Variants in STXBP5 observed in about 807,000 individuals in gnomAD.
STXBP5 encodes the protein syntaxin-binding protein 5.
STXBP5 carries 50 observed loss-of-function variants against 152.4 expected under a neutral mutation model. The observed-to-expected ratio is 0.33, with a 90% CI of 0.26 to 0.42. The LOEUF is 0.42. Among genes scored for constraint, STXBP5 ranks in the 10% least tolerant of loss-of-function variants. The pLI, the probability that STXBP5 is intolerant of heterozygous loss-of-function variation, is 1.00. For missense variants in STXBP5, 1,167 were observed against 1,388.6 expected (o/e 0.84, Z 2.54); for synonymous variants, 492 against 494.7 (o/e 0.99, Z 0.07).
intron 2 of STXBP5, among the ~76,000 whole-genome samples, chr6:147,212,202 G>T (rs563137574): frequency 7.9e-5 from 12 of 152,296 alleles, no homozygotes; most frequent in African/African-American, 2.9e-4. Context: ...CTTGTGGAAG[G>T]AAACAAATGT....
At chr6:147,256,340 A>G (rs1306131395) in intron 4 of STXBP5, among the ~76,000 whole-genome samples, 2 of 117,850 alleles carry the variant, frequency 1.7e-5, no homozygotes, top group South Asian at 6.9e-4. Flanking sequence ...ATGTAATATC[A>G]TCTAGAACCT....
At chr6:147,219,458 C>A (rs1267773289) in intron 2 of STXBP5, among the ~76,000 whole-genome samples, 2 of 152,058 alleles carry the variant, frequency 1.3e-5, no homozygotes, top group Non-Finnish European at 2.9e-5. Flanking sequence ...ATTTCCTCTG[C>A]CTTTATCTTC....
At chr6:147,321,343 T>G (rs567694816) in intron 16 of STXBP5, among the ~76,000 whole-genome samples, 1 of 152,296 alleles carries the variant, frequency 6.6e-6, no homozygotes, top group African/African-American at 2.4e-5. Context: ...TAAAAGCAGC[T>G]GTTTAAGACC....
chr6:147,255,498 C>A (rs1035093728), intron 4 of STXBP5, among the ~76,000 whole-genome samples: 4 of 107,066 alleles, frequency 3.7e-5, no homozygotes, highest in Admixed American at 1.1e-4. Context: ...TTCTTTGTTC[C>A]TTTTTGTTGT....
At chr6:147,237,840 C>CT (rs1180925823) in intron 3 of STXBP5, among the ~76,000 whole-genome samples, 7 of 152,118 alleles carry the variant, frequency 4.6e-5, no homozygotes, top group Non-Finnish European at 1.0e-4. Context: ...TTACAATACC[C>CT]TAAAAGATTG....
At chr6:147,268,938 A>G (rs1780022356) in intron 7 of STXBP5, among the ~76,000 whole-genome samples, 1 of 152,134 alleles carries the variant, frequency 6.6e-6, no homozygotes, top group African/African-American at 2.4e-5. Context: ...TGAAGAGGGA[A>G]CCTAGGTGGA....
chr6:147,292,610 A>G (rs1781336830), intron 9 of STXBP5: 1 of 152,642 alleles, frequency 6.6e-6, no homozygotes, highest in Admixed American at 6.5e-5. Context: ...TAGGAAAAGC[A>G]TGGTAGCAAA....
rs572150197 is a variant in STXBP5, at chr6:147,243,371, G to GT, written c.431+4104dup. 4.1e-3 allele frequency among the ~76,000 whole-genome samples: 620 copies of GT among 152,108 alleles called. 6 individuals are homozygous for GT. The highest frequency in any genetic ancestry group is 0.014 in the African/African-American group (593 of 41,506). On this transcript the variant is annotated intron_variant, in intron 4 of 27. Coordinates refer to ENST00000321680, the MANE Select transcript of STXBP5 (RefSeq NM_001127715.4). Reference sequence around the variant, plus strand: ...GGGTTATCTTTTCATATTCTTCTTTGTTTCATGTGCTGCTTTGATGAGTTG... The same window carrying GT: ...GGGTTATCTTTTCATATTCTTCTTTGTTTTCATGTGCTGCTTTGATGAGTTG...
intron 2 of STXBP5, among the ~76,000 whole-genome samples, chr6:147,217,438 T>G (rs1777227755): frequency 6.6e-6 from 1 of 152,234 alleles, no homozygotes; most frequent in Non-Finnish European, 1.5e-5. Flanking sequence ...CTATTATTTA[T>G]GACTACGTAG....
intron 9 of STXBP5, among the ~76,000 whole-genome samples, chr6:147,306,563 A>C (rs189166449): frequency 6.6e-6 from 1 of 152,314 alleles, no homozygotes; most frequent in African/African-American, 2.4e-5. Flanking sequence ...TAGAGATCCT[A>C]ATGGAGTAAA....
chr6:147,321,831 C>T (rs1782952173), intron 16 of STXBP5, among the ~76,000 whole-genome samples: 2 of 152,076 alleles, frequency 1.3e-5, no homozygotes, highest in South Asian at 4.1e-4. Context: ...TATACCATAA[C>T]CATTTAGAAT....
intron 18 of STXBP5, chr6:147,328,748 T>G: frequency 2.1e-6 from 1 of 471,116 alleles, no homozygotes; most frequent in South Asian, 1.5e-5. Flanking sequence ...GCTTATATTC[T>G]GAATCTATGA....
chr6:147,285,920 G>A (rs1582891045), intron 8 of STXBP5, among the ~76,000 whole-genome samples: 1 of 152,268 alleles, frequency 6.6e-6, no homozygotes, highest in East Asian at 1.9e-4. Flanking sequence ...TAAAATTTGT[G>A]TCTATAATTC....
chr6:147,250,185 G>A (rs1165722193), intron 4 of STXBP5, among the ~76,000 whole-genome samples: 2 of 152,132 alleles, frequency 1.3e-5, no homozygotes, highest in Admixed American at 6.5e-5. Context: ...GATTAAGAGA[G>A]TAGAGCTTAG....
At chr6:147,306,324 G>A (rs772374474) in intron 9 of STXBP5, among the ~76,000 whole-genome samples, 1 of 152,242 alleles carries the variant, frequency 6.6e-6, no homozygotes, top group Non-Finnish European at 1.5e-5. Flanking sequence ...GTAATGCTGA[G>A]TAGAGGTATA....
rs1783165005 is a variant in STXBP5, at chr6:147,324,932, AAGATACC to A, written c.1803-25_1803-19del. 6.8e-7 allele frequency: 1 copy of A among 1,471,632 alleles called. No homozygotes were observed. Among genetic ancestry groups the A allele is most frequent in the South Asian group, 1.5e-5 (1 of 66,916 alleles). The allele number at this position is 1,471,632 out of a possible 1,614,324, so 91.2% of individuals were successfully genotyped here. The stretch of plus-strand genomic sequence containing the variant: ...TAGGCCAATAGTTGAAAATGGTTTA[AAGATACC>A]ATGTTTTCTTTTATTTTAGAGTTAA... On this transcript the variant is annotated intron_variant, in intron 16 of 27. Coordinates refer to ENST00000321680, the MANE Select transcript of STXBP5 (RefSeq NM_001127715.4).
Position 147,359,278 on chromosome 6 carries a change from G to A in STXBP5, c.2500G>A (p.Gly834Arg). The A allele has an allele frequency of 6.2e-7, 1 of 1,613,968 alleles. No homozygotes were observed. Among genetic ancestry groups the A allele is most frequent in the Non-Finnish European group, 8.5e-7 (1 of 1,179,910 alleles). The change falls in exon 23 of 28, where the codon GGG becomes AGG. Residue 834 changes from glycine to arginine, a missense_variant. This residue lies in a region of STXBP5 where 833 missense variants were observed against 986.3 expected (regional missense o/e 0.84). Coordinates refer to ENST00000321680, the MANE Select transcript of STXBP5 (RefSeq NM_001127715.4). ...VLVIALNLPP[G>R]GEQRLLQPVI... ...TGTCATTGCACTGAACCTTCCCCCA[G>A]GGGGAGAGCAAAGACTTCTTCAGCC...
chr6:147,382,267 T>A lies in STXBP5; in HGVS notation c.3194-511T>A, dbSNP rs1309621994. 1.8e-4 allele frequency among the ~76,000 whole-genome samples: 28 copies of A among 152,022 alleles called. 1 individual carries two copies. Among genetic ancestry groups the A allele is most frequent in the Non-Finnish European group, 7.4e-5 (5 of 68,014 alleles). ...GAAAAAGAAAAGAATATAGCATGCC[T>A]ACAATTTTTGGAGACCGAAATAGAC... is the stretch of plus-strand genomic sequence containing the variant. On this transcript the variant is annotated intron_variant, in intron 26 of 27. Coordinates refer to ENST00000321680, the MANE Select transcript of STXBP5 (RefSeq NM_001127715.4).
chr6:147,224,757 C>T lies in STXBP5; in HGVS notation c.249-10493C>T, dbSNP rs116394164. Among the ~76,000 whole-genome samples, 1,240 of 152,226 alleles carry T rather than the reference C, an allele frequency of 8.1e-3. 21 individuals are homozygous for T. Among genetic ancestry groups the T allele is most frequent in the African/African-American group, 0.029 (1,186 of 41,534 alleles). Reference sequence around the variant, plus strand: ...GAAATCAAAGGTTTCTGATGATGCTCAATTTTTTTAAATTGTTTTTATGTT... The same window carrying T: ...GAAATCAAAGGTTTCTGATGATGCTTAATTTTTTTAAATTGTTTTTATGTT... On this transcript the variant is annotated intron_variant, in intron 2 of 27. Transcript: ENST00000321680.
Sources: allele counts gnomAD v4.1 joint callset (sites outside exome capture counted in the v4.1 genomes callset), GRCh38; gene constraint gnomAD v4.1.1; regional missense constraint gnomAD v4.1.1; transcripts MANE v1.5; gene names NCBI Gene and HGNC (gene_info 2026-07-23, HGNC 2026-07-21).